Variants in COL23A1 observed in about 807,000 individuals in gnomAD.
COL23A1 encodes the protein collagen alpha-1(XXIII) chain.
Under a neutral mutation model 99.3 loss-of-function variants are expected in COL23A1, and 97 were observed. The observed-to-expected ratio is 0.98, with a 90% CI of 0.83 to 1.16. COL23A1 has a LOEUF of 1.16. Among genes scored for constraint, COL23A1 ranks in the 50% most tolerant of loss-of-function variants. COL23A1 has a pLI of 0.00. For synonymous variants in COL23A1, 320 were observed against 308.2 expected, an observed-to-expected ratio of 1.04 and a Z score of -0.40; for missense variants, 762 against 757.4, an observed-to-expected ratio of 1.01 and a Z score of -0.07.
intron 2 of COL23A1, among the ~76,000 whole-genome samples, chr5:178,476,839 T>G (rs1187754664): frequency 6.6e-6 from 1 of 152,250 alleles, no homozygotes; most frequent in Admixed American, 6.5e-5. Context: ...GTGCAGACAC[T>G]GTTAACTTCT....
intron 2 of COL23A1, among the ~76,000 whole-genome samples, chr5:178,494,877 A>T (rs1158832509): frequency 6.6e-6 from 1 of 151,928 alleles, no homozygotes; most frequent in Non-Finnish European, 1.5e-5. Context: ...GAACAATGAC[A>T]TTTTCCCACC....
At chr5:178,492,385 G>C (rs1757977924) in intron 2 of COL23A1, among the ~76,000 whole-genome samples, 1 of 152,226 alleles carries the variant, frequency 6.6e-6, no homozygotes, top group South Asian at 2.1e-4. Flanking sequence ...CACACACAGA[G>C]GGAAGGCCGT....
rs1562025426 is a variant in COL23A1, at chr5:178,498,224, AT to A, written c.361+62457del. 9.5e-4 allele frequency among the ~76,000 whole-genome samples: 82 copies of A among 86,104 alleles called. 4 individuals carry two copies. The highest frequency in any genetic ancestry group is 4.8e-4 in the Non-Finnish European group (23 of 47,950). The allele number at this position is 86,104 out of a possible 152,430, so 56.5% of individuals were successfully genotyped here. On this transcript the variant is annotated intron_variant, in intron 2 of 28. Transcript: ENST00000390654. ...TATTTAAATATATATATATATATAT[AT>A]ATATATATATATATATATATATATA...
chr5:178,282,026 T>A (rs1489428536), intron 5 of COL23A1, among the ~76,000 whole-genome samples: 1 of 128,536 alleles, frequency 7.8e-6, no homozygotes, highest in East Asian at 2.1e-4. Flanking sequence ...CACTCCAGCC[T>A]GGGCGACAGA....
chr5:178,507,489 T>C (rs373882444), intron 2 of COL23A1, among the ~76,000 whole-genome samples: 75 of 152,340 alleles, frequency 4.9e-4, no homozygotes, highest in African/African-American at 1.8e-3. Flanking sequence ...TGTAAGACGC[T>C]GATAATAATA....
intron 2 of COL23A1, among the ~76,000 whole-genome samples, chr5:178,518,432 G>GC (rs1456989200): frequency 3.7e-4 from 54 of 145,590 alleles, no homozygotes; most frequent in African/African-American, 8.2e-4. Context: ...AGACGGGGTG[G>GC]TGGCCGGGCA....
Position 178,532,188 on chromosome 5 carries a change from C to T in COL23A1, c.361+28494G>A, listed in dbSNP as rs1329226673. 2.6e-5 allele frequency among the ~76,000 whole-genome samples: 4 copies of T among 152,258 alleles called. No individual in the cohort carries two copies. In the East Asian group the frequency reaches 7.7e-4, roughly 29 times the overall value. Reference sequence around the variant, plus strand: ...GCTGAGCCTCCAACTGAGGGATGTGCTCCAGGCACATTGTTTGCCAGCCTG... The same window carrying T: ...GCTGAGCCTCCAACTGAGGGATGTGTTCCAGGCACATTGTTTGCCAGCCTG... On this transcript the variant is annotated intron_variant, in intron 2 of 28. Transcript: ENST00000390654.
intron 2 of COL23A1, chr5:178,350,803 C>T (rs1761279456): frequency 6.6e-6 from 1 of 152,438 alleles, no homozygotes; most frequent in South Asian, 2.1e-4. Flanking sequence ...CGTCACTTTT[C>T]TTGTCCGAGG....
intron 2 of COL23A1, among the ~76,000 whole-genome samples, chr5:178,430,016 T>C (rs1467130230): frequency 6.6e-6 from 1 of 152,122 alleles, no homozygotes; most frequent in African/African-American, 2.4e-5. Flanking sequence ...TTTCACAACC[T>C]GTCCCCAGGA....
At chr5:178,516,298 G>A (rs957895569) in intron 2 of COL23A1, among the ~76,000 whole-genome samples, 2 of 152,222 alleles carry the variant, frequency 1.3e-5, no homozygotes, top group African/African-American at 4.8e-5. Flanking sequence ...AGGCTGAGCA[G>A]GCTGGCCCTC....
chr5:178,330,048 G>A (rs1288884643), intron 2 of COL23A1, among the ~76,000 whole-genome samples: 1 of 152,172 alleles, frequency 6.6e-6, no homozygotes, highest in Non-Finnish European at 1.5e-5. Flanking sequence ...AGATCCAGGC[G>A]GCGGAGGCCT....
At chr5:178,367,322 C>G (rs1762539906) in intron 2 of COL23A1, among the ~76,000 whole-genome samples, 1 of 152,174 alleles carries the variant, frequency 6.6e-6, no homozygotes, top group African/African-American at 2.4e-5. Context: ...TTGGGTGGGT[C>G]ACGCCTCTCT....
intron 2 of COL23A1, among the ~76,000 whole-genome samples, chr5:178,450,206 G>A (rs1309566651): frequency 6.6e-6 from 1 of 152,216 alleles, no homozygotes; most frequent in East Asian, 1.9e-4. Context: ...GGTGAGAAGT[G>A]TCGTTTCCAG....
intron 2 of COL23A1, among the ~76,000 whole-genome samples, chr5:178,498,275 AAAAAAT>A (rs1277071638): frequency 7.2e-6 from 1 of 139,204 alleles, no homozygotes; most frequent in Non-Finnish European, 1.6e-5. Flanking sequence ...CTTAAAAATA[AAAAAAT>A]AAAAATAAAA....
intron 2 of COL23A1, among the ~76,000 whole-genome samples, chr5:178,430,851 G>C (rs565143853): frequency 3.9e-5 from 6 of 152,122 alleles, no homozygotes; most frequent in African/African-American, 1.4e-4. Flanking sequence ...TAGGTATGGT[G>C]GGTACAGAGG....
intron 2 of COL23A1, among the ~76,000 whole-genome samples, chr5:178,461,911 G>A (rs1254195444): frequency 1.3e-5 from 2 of 152,252 alleles, no homozygotes; most frequent in Non-Finnish European, 2.9e-5. Context: ...TTCAAGAACA[G>A]AAGGAAATGT....
At chr5:178,240,916 G>C (rs919716429) in intron 27 of COL23A1, among the ~76,000 whole-genome samples, 5 of 152,198 alleles carry the variant, frequency 3.3e-5, no homozygotes, top group Non-Finnish European at 7.3e-5. Flanking sequence ...CACCGGAAGA[G>C]TGTGACATGT....
chr5:178,509,468 G>A (rs933836073), intron 2 of COL23A1, among the ~76,000 whole-genome samples: 8 of 152,066 alleles, frequency 5.3e-5, no homozygotes, highest in Middle Eastern at 6.8e-3. Flanking sequence ...TGATCCATCC[G>A]CCTCGGCCTC....
chr5:178,253,131 G>C (rs976386814), intron 16 of COL23A1, among the ~76,000 whole-genome samples: 32 of 152,254 alleles, frequency 2.1e-4, no homozygotes, highest in African/African-American at 7.7e-4. Flanking sequence ...CCACTCTCAA[G>C]CTCCTGTCCT....
Sources: allele counts gnomAD v4.1 joint callset (sites outside exome capture counted in the v4.1 genomes callset), GRCh38; gene constraint gnomAD v4.1.1; transcripts MANE v1.5; gene names NCBI Gene and HGNC (gene_info 2026-07-23, HGNC 2026-07-21).